Variants in GPR161 observed in about 807,000 individuals in gnomAD.
GPR161 encodes the protein G-protein coupled receptor RE2.
GPR161 carries 25 observed loss-of-function variants against 39.2 expected under a neutral mutation model. The ratio of observed to expected loss-of-function variants is 0.64; its 90% CI spans 0.47 to 0.89. The LOEUF is 0.89. Ranked by LOEUF, GPR161 falls within the 40% of genes least tolerant of loss-of-function variation. The pLI is 0.00. For synonymous variants in GPR161, 286 were observed against 276.6 expected (o/e 1.03, Z -0.34); for missense variants, 547 against 677.8 (o/e 0.81, Z 2.14).
At position 168,086,268 on chromosome 1, in the gene GPR161, C is replaced by T. The variant is rs1694482837; in HGVS notation, c.1325-472G>A. ...TCCTCTCCATATTTGCTCAGAGATT[C>T]CCCATGCAGAACCTCAAGGTTGGAC... On this transcript the variant is annotated intron_variant, in intron 5 of 5. Transcript: ENST00000682931. Among the ~76,000 whole-genome samples, 5 of 152,294 alleles carry T rather than the reference C, an allele frequency of 3.3e-5. 1 individual carries two copies. In the South Asian group the frequency reaches 1.0e-3, roughly 32 times the overall value.
In GPR161 at chr1:168,104,791, C is replaced by G; in HGVS notation, c.60G>C (p.Glu20Asp). Residue 20 changes from glutamate to aspartate, a missense_variant, in exon 2 of 6, where the codon GAG becomes GAC. Transcript: ENST00000682931. ...TGATGATGACGCCCCCTTCGCCACC[C>G]TCCTCCTCAGTGAGATTACTCAGCT... ...RKELSNLTEE[E>D]GGEGGVIITQ... 1 of 1,613,820 alleles carries G rather than the reference C, an allele frequency of 6.2e-7. No individual in the cohort carries two copies. Among genetic ancestry groups the G allele is most frequent in the Non-Finnish European group, 8.5e-7 (1 of 1,179,840 alleles).
At chr1:168,131,919 A>G (rs1454850873) in intron 1 of GPR161, among the ~76,000 whole-genome samples, 1 of 152,212 alleles carries the variant, frequency 6.6e-6, no homozygotes, top group Non-Finnish European at 1.5e-5. Flanking sequence ...AATTAGAGGA[A>G]GTGTAAGCAA....
intron 1 of GPR161, among the ~76,000 whole-genome samples, chr1:168,108,268 G>T (rs1696793084): frequency 1.3e-5 from 2 of 151,788 alleles, no homozygotes; most frequent in African/African-American, 2.4e-5. Context: ...CTCCATGAGG[G>T]ATCTACCCCA....
In GPR161 at chr1:168,085,724, A is replaced by T. The variant is rs1348981776; in HGVS notation, c.1397T>A (p.Leu466Ter). 1 of 1,614,232 alleles carries T rather than the reference A, an allele frequency of 6.2e-7. No individual in the cohort carries two copies. The highest frequency in any genetic ancestry group is 8.5e-7 in the Non-Finnish European group (1 of 1,180,028). ...GGCTTCGGCCTCAATGGCTTTGGCCAAGCTTGCTGCGTAACTGTCCAAGGA... is the reference window on the plus strand; with the variant it reads ...GGCTTCGGCCTCAATGGCTTTGGCCTAGCTTGCTGCGTAACTGTCCAAGGA... ...HKSLDSYAAS[L>*]AKAIEAEAKI... Residue 466 changes from leucine (L) to a stop codon, truncating the protein, a stop_gained, in exon 6 of 6, where the codon TTG becomes TAG. Coordinates refer to ENST00000682931, the MANE Select transcript of GPR161 (RefSeq NM_001375883.1). LOFTEE classifies it high-confidence loss of function.
intron 1 of GPR161, among the ~76,000 whole-genome samples, chr1:168,111,295 A>G (rs1697146735): frequency 6.6e-6 from 1 of 152,202 alleles, no homozygotes; most frequent in Admixed American, 6.5e-5. Flanking sequence ...AGTGCCTCAG[A>G]GAAGCCTGAT....
intron 1 of GPR161, among the ~76,000 whole-genome samples, chr1:168,113,965 C>G (rs909963464): frequency 1.1e-4 from 16 of 152,124 alleles, no homozygotes. Context: ...ACATGTACCA[C>G]TGAACTTAAA....
chr1:168,104,056 G>A (rs1323568587), intron 2 of GPR161, among the ~76,000 whole-genome samples: 1 of 152,128 alleles, frequency 6.6e-6, no homozygotes, highest in Admixed American at 6.5e-5. Context: ...CCTGGACTGT[G>A]GGCAGTGAGG....
Position 168,096,716 on chromosome 1 carries a change from C to A in GPR161, c.891G>T (p.Gly297=). The A allele has an allele frequency of 6.2e-7, 1 of 1,613,984 alleles. No homozygotes were observed. Among genetic ancestry groups the A allele is most frequent in the Admixed American group, 1.7e-5 (1 of 60,006 alleles). The change falls in exon 3 of 6, where the codon GGG becomes GGT. Residue 297 remains glycine, a synonymous_variant. Coordinates refer to ENST00000682931, the MANE Select transcript of GPR161 (RefSeq NM_001375883.1). ...CCAGGCTCGGGGAGACGGAGCTTTTCCCCCAGAGGGCCTCAGAGGCGATGA... is the reference window on the plus strand; with the variant it reads ...CCAGGCTCGGGGAGACGGAGCTTTTACCCCAGAGGGCCTCAGAGGCGATGA... The part of the protein sequence containing the change: ...MVVIASEALW[G]KSSVSPSLET...
At chr1:168,113,252 A>G (rs1224355149) in intron 1 of GPR161, among the ~76,000 whole-genome samples, 1 of 152,180 alleles carries the variant, frequency 6.6e-6, no homozygotes, top group Non-Finnish European at 1.5e-5. Context: ...CACACTCACT[A>G]CATCTTGCCC....
In GPR161 at chr1:168,120,694, G is replaced by A. The variant is rs368086713; in HGVS notation, c.-44-15800C>T. Among the ~76,000 whole-genome samples the A allele has an allele frequency of 5.9e-5, 9 of 152,210 alleles. No homozygotes were observed. The South Asian group carries it at 1.0e-3, about 18-fold the overall frequency. ...TGGGAGGCGATTGGATCATGGAGGC[G>A]ATTTCCCTCATGCTGTTCTCGTGAT... On this transcript the variant is annotated intron_variant, in intron 1 of 5. Coordinates refer to ENST00000682931, the MANE Select transcript of GPR161 (RefSeq NM_001375883.1).
intron 1 of GPR161, among the ~76,000 whole-genome samples, chr1:168,126,450 A>ATGGTT (rs1698597239): frequency 6.6e-6 from 1 of 150,594 alleles, no homozygotes; most frequent in South Asian, 2.1e-4. Context: ...TAATACAAGT[A>ATGGTT]TTGTTTTGTT....
Position 168,085,438 on chromosome 1 carries a change from G to T in GPR161, c.*93C>A. Reference sequence around the variant, plus strand: ...CCCTGTGTGTGGCCAGCTGTACACAGTGACATGCTCCCAAGGCCGCGGCAC... The same window carrying T: ...CCCTGTGTGTGGCCAGCTGTACACATTGACATGCTCCCAAGGCCGCGGCAC... On this transcript the variant is annotated 3_prime_UTR_variant, in exon 6 of 6. Coordinates refer to ENST00000682931, the MANE Select transcript of GPR161 (RefSeq NM_001375883.1). The T allele has an allele frequency of 1.7e-6, 2 of 1,211,824 alleles. No individual in the cohort carries two copies. Among genetic ancestry groups the T allele is most frequent in the South Asian group, 1.4e-5 (1 of 71,316 alleles). 75.1% of individuals were successfully genotyped at this position (1,211,824 alleles called of 1,614,324 possible). A position where few individuals can be genotyped will look rare whatever the true frequency, so the allele number is the denominator to read the frequency against.
intron 1 of GPR161, among the ~76,000 whole-genome samples, chr1:168,109,750 T>A (rs1431143381): frequency 3.3e-5 from 5 of 152,162 alleles, no homozygotes. Flanking sequence ...ATGGATCACC[T>A]GAAGTCAGGA....
Position 168,084,918 on chromosome 1 carries a change from T to C in GPR161, c.*613A>G, listed in dbSNP as rs890283841. The C allele has an allele frequency of 2.2e-6, 1 of 456,184 alleles. No individual in the cohort carries two copies. The highest frequency in any genetic ancestry group is 2.0e-5 in the African/African-American group (1 of 50,076). 28.3% of individuals were successfully genotyped at this position (456,184 alleles called of 1,614,324 possible). On this transcript the variant is annotated 3_prime_UTR_variant, in exon 6 of 6. Coordinates refer to ENST00000682931, the MANE Select transcript of GPR161 (RefSeq NM_001375883.1). The stretch of plus-strand genomic sequence containing the variant: ...TGCAAGAGGCCTGTGGCTGTCCCTA[T>C]TAGCACCAGCAGGTGGCGCCACTGA...
intron 2 of GPR161, among the ~76,000 whole-genome samples, chr1:168,101,045 T>A (rs1696046949): frequency 6.6e-6 from 1 of 152,028 alleles, no homozygotes; most frequent in Admixed American, 6.6e-5. Flanking sequence ...TTTATATCTG[T>A]CTTTGCTCTC....
chr1:168,085,583 A>AG lies in GPR161; in HGVS notation c.1537dup (p.Leu513ProfsTer29). 1 of 1,614,082 alleles carries AG rather than the reference A, an allele frequency of 6.2e-7. No homozygotes were observed. Among genetic ancestry groups the AG allele is most frequent in the Non-Finnish European group, 8.5e-7 (1 of 1,180,008 alleles). ...TCCTTCTTCGATGCTCTGCAACTGC[A>AG]GCCTCTGGCTCACAAGAGTTCTGCT... is the stretch of plus-strand genomic sequence containing the variant. On this transcript the variant is annotated frameshift_variant, in exon 6 of 6. Coordinates refer to ENST00000682931, the MANE Select transcript of GPR161 (RefSeq NM_001375883.1). LOFTEE classifies it high-confidence loss of function.
intron 1 of GPR161, among the ~76,000 whole-genome samples, chr1:168,127,275 A>C (rs1698662850): frequency 6.6e-6 from 1 of 152,136 alleles, no homozygotes; most frequent in Non-Finnish European, 1.5e-5. Context: ...GCCTAAGGTC[A>C]GGAGATCAAG....
intron 3 of GPR161, among the ~76,000 whole-genome samples, chr1:168,092,811 G>A (rs1423738948): frequency 2.6e-5 from 4 of 152,214 alleles, no homozygotes; most frequent in African/African-American, 9.6e-5. Context: ...GGAAGAACCT[G>A]GAGCGAGGTG....
intron 1 of GPR161, among the ~76,000 whole-genome samples, chr1:168,106,497 G>A (rs560889132): frequency 6.6e-6 from 1 of 152,324 alleles, no homozygotes; most frequent in East Asian, 1.9e-4. Context: ...GGCTGAGGTG[G>A]GAGGACCCCT....
Sources: allele counts gnomAD v4.1 joint callset (sites outside exome capture counted in the v4.1 genomes callset), GRCh38; gene constraint gnomAD v4.1.1; transcripts MANE v1.5; gene names NCBI Gene and HGNC (gene_info 2026-07-23, HGNC 2026-07-21).